BEND2: variants seen among roughly 807,000 people sequenced by gnomAD.
BEND2 encodes BEN domain-containing protein 2.
Under a neutral mutation model 43.8 loss-of-function variants are expected in BEND2, and 19 were observed. That is an observed-to-expected ratio of 0.43 (90% CI 0.30 to 0.64). The LOEUF (loss-of-function observed/expected upper bound fraction) is 0.64, where lower values mean the gene tolerates loss of function less well. Ranked by LOEUF, BEND2 falls within the 30% of genes least tolerant of loss-of-function variation. The pLI, the probability that BEND2 is intolerant of heterozygous loss-of-function variation, is 0.11. For synonymous variants in BEND2, 226 were observed against 210.1 expected (o/e 1.08, Z -0.66); for missense variants, 544 against 574.0 (o/e 0.95, Z 0.53).
At chrX:18,186,527 T>C (rs1924578692) in intron 8 of BEND2, among the ~76,000 whole-genome samples, 1 of 107,933 alleles carries the variant, frequency 9.3e-6, no homozygotes, top group African/African-American at 3.4e-5. Context: ...AAAAGGGAAA[T>C]TAAGTTAAAG....
Position 18,164,969 on chromosome X carries a change from T to C in BEND2, c.*40A>G, listed in dbSNP as rs1239164902. 4 of 1,150,216 alleles carry C rather than the reference T, an allele frequency of 3.5e-6. No homozygotes were observed. The highest frequency in any genetic ancestry group is 5.2e-5 in the Admixed American group (2 of 38,570). The allele number at this position is 1,150,216 out of a possible 1,213,427, so 94.8% of individuals were successfully genotyped here. On this transcript the variant is annotated 3_prime_UTR_variant, in exon 14 of 14. Coordinates refer to ENST00000380033, the MANE Select transcript of BEND2 (RefSeq NM_153346.5). ...AACTTGAGAAACTTACAAAATAGTC[T>C]TAACAGTTAAAAAAAAAAAAAAAGT...
chrX:18,212,710 C>T, intron 3 of BEND2, 30 bp from the exon 4 acceptor site: 1 of 940,729 alleles, frequency 1.1e-6, no homozygotes, highest in Admixed American at 2.2e-5. Context: ...AAAGTTATTT[C>T]ATACACTACT....
intron 8 of BEND2, among the ~76,000 whole-genome samples, chrX:18,181,757 A>G (rs1397635447): frequency 2.7e-5 from 3 of 111,956 alleles, no homozygotes; most frequent in Admixed American, 9.5e-5. Context: ...GCACAAATCA[A>G]TATACTCAAA....
At chrX:18,212,716 C>G in intron 3 of BEND2, 36 bp from the exon 4 acceptor site, 1 of 918,821 alleles carries the variant, frequency 1.1e-6, no homozygotes, top group Non-Finnish European at 1.6e-6. Flanking sequence ...ATTTCATACA[C>G]TACTCTCTTA....
At chrX:18,199,271 A>T (rs181079433) in intron 6 of BEND2, among the ~76,000 whole-genome samples, 201 of 111,950 alleles carry the variant, frequency 1.8e-3, no homozygotes, top group African/African-American at 6.2e-3. Context: ...AAATAATGAA[A>T]TTCTGGCAAA....
chrX:18,220,274 C>T (rs1471830957), intron 1 of BEND2, among the ~76,000 whole-genome samples: 1 of 112,244 alleles, frequency 8.9e-6, no homozygotes, highest in Non-Finnish European at 1.9e-5. Flanking sequence ...AAAGTGCGGC[C>T]GCATAGATCT....
Position 18,185,533 on chromosome X carries a change from AAATAATAATAATAATAAT to A in BEND2, c.1289-4901_1289-4884del, listed in dbSNP as rs141832867. Among the ~76,000 whole-genome samples the A allele has an allele frequency of 9.8e-3, 866 of 88,092 alleles. 15 individuals carry two copies. Among genetic ancestry groups the A allele is most frequent in the African/African-American group, 0.033 (809 of 24,474 alleles). The allele number at this position is 88,092 out of a possible 115,157, so 76.5% of individuals were successfully genotyped here. On this transcript the variant is annotated intron_variant, in intron 8 of 13. Coordinates refer to ENST00000380033, the MANE Select transcript of BEND2 (RefSeq NM_153346.5). Reference sequence around the variant, plus strand: ...GTGACAGAGCGAGACTCAGTCGCAAAAATAATAATAATAATAATAATAATAATAATAATAATAATAATA... The same window carrying A: ...GTGACAGAGCGAGACTCAGTCGCAAAAATAATAATAATAATAATAATAATA...
At chrX:18,180,939 T>A (rs1169872849) in intron 8 of BEND2, among the ~76,000 whole-genome samples, 1 of 110,605 alleles carries the variant, frequency 9.0e-6, no homozygotes, top group African/African-American at 3.3e-5. Flanking sequence ...CATACCTGGC[T>A]AATTTTTCTA....
chrX:18,181,479 C>T (rs1924385105), intron 8 of BEND2, among the ~76,000 whole-genome samples: 1 of 110,931 alleles, frequency 9.0e-6, no homozygotes, highest in Non-Finnish European at 1.9e-5. Context: ...GAATACTATT[C>T]AGCAATAAAA....
At chrX:18,196,253 C>A (rs1043488391) in intron 6 of BEND2, among the ~76,000 whole-genome samples, 22 of 102,599 alleles carry the variant, frequency 2.1e-4, no homozygotes, top group African/African-American at 7.5e-4. Flanking sequence ...AAGCCCAGAT[C>A]ACACCACTGC....
At chrX:18,201,657 A>T (rs1198379700) in intron 6 of BEND2, among the ~76,000 whole-genome samples, 158 bp downstream of exon 6, 1 of 106,981 alleles carries the variant, frequency 9.3e-6, no homozygotes, top group African/African-American at 3.4e-5. Context: ...ACACCCGGCT[A>T]ATTTTTTGTA....
intron 9 of BEND2, among the ~76,000 whole-genome samples, chrX:18,178,541 C>T (rs1481457184): frequency 9.0e-6 from 1 of 111,496 alleles, no homozygotes; most frequent in East Asian, 2.8e-4. Context: ...TGAAATCATA[C>T]TTTAAGTATA....
chrX:18,218,389 T>C (rs1390621409), intron 1 of BEND2, among the ~76,000 whole-genome samples: 1 of 111,842 alleles, frequency 8.9e-6, no homozygotes, highest in East Asian at 2.8e-4. Flanking sequence ...CCAAGGCAAC[T>C]GAAAGTGTAT....
intron 8 of BEND2, among the ~76,000 whole-genome samples, chrX:18,190,159 T>C (rs969956697): frequency 8.9e-6 from 1 of 111,861 alleles, no homozygotes; most frequent in Non-Finnish European, 1.9e-5. Context: ...CTGGAAATAG[T>C]TGACGGTTTC....
chrX:18,194,972 AACACACACAC>A (rs201244726), intron 7 of BEND2, among the ~76,000 whole-genome samples: 36 of 99,325 alleles, frequency 3.6e-4, no homozygotes, highest in Admixed American at 3.3e-4. Context: ...CATAGTACTA[AACACACACAC>A]ACACACACAC....
At chrX:18,168,892 G>A (rs1923890838) in intron 13 of BEND2, among the ~76,000 whole-genome samples, 1 of 112,051 alleles carries the variant, frequency 8.9e-6, no homozygotes, top group Non-Finnish European at 1.9e-5. Flanking sequence ...TCAAATGTAT[G>A]AACAGATCTC....
chrX:18,206,117 T>C (rs1925325567), intron 4 of BEND2, among the ~76,000 whole-genome samples: 1 of 111,712 alleles, frequency 9.0e-6, no homozygotes, highest in Non-Finnish European at 1.9e-5. Context: ...CTACTAACGG[T>C]AACAACACTA....
At chrX:18,212,505 C>T (rs1026994433) in intron 4 of BEND2, 60 bp downstream of exon 4, 2 of 840,643 alleles carry the variant, frequency 2.4e-6, no homozygotes, top group Non-Finnish European at 3.4e-6. Flanking sequence ...AAAAGAAATA[C>T]AGCAGAATGA....
chrX:18,206,692 G>A (rs889815758), intron 4 of BEND2, among the ~76,000 whole-genome samples: 12 of 110,939 alleles, frequency 1.1e-4, no homozygotes, highest in Non-Finnish European at 2.1e-4. Context: ...GGCGGGGATG[G>A]GGGCAGTTGG....
Sources: allele counts gnomAD v4.1 joint callset (sites outside exome capture counted in the v4.1 genomes callset), GRCh38; gene constraint gnomAD v4.1.1; transcripts MANE v1.5; gene names NCBI Gene and HGNC (gene_info 2026-07-23, HGNC 2026-07-21).